The following FMR1 variants were observed in gnomAD, a reference collection of about 807,000 sequenced individuals.
FMR1 encodes the protein fragile X messenger ribonucleoprotein 1.
Under a neutral mutation model 50.6 loss-of-function variants are expected in FMR1, and 13 were observed. The ratio of observed to expected loss-of-function variants is 0.26; its 90% confidence interval spans 0.17 to 0.41. The LOEUF (loss-of-function observed/expected upper bound fraction) is 0.41, where lower values mean the gene tolerates loss of function less well. FMR1 is among the 10% of genes least tolerant of loss of function. FMR1 has a pLI of 1.00. For synonymous variants in FMR1, 138 were observed against 164.1 expected, an observed-to-expected ratio of 0.84 and a Z score of 1.22; for missense variants, 316 against 491.3, an observed-to-expected ratio of 0.64 and a Z score of 3.37.
chrX:147,938,218 C>A, intron 12 of FMR1, 57 bp downstream of exon 12: 1 of 936,499 alleles, frequency 1.1e-6, no homozygotes, highest in African/African-American at 1.9e-5. Flanking sequence ...TGTTTATTCC[C>A]CTTGTTAACA....
At chrX:147,924,674 ATT>A (rs35111332) in intron 2 of FMR1, among the ~76,000 whole-genome samples, 1 of 95,871 alleles carries the variant, frequency 1.0e-5, no homozygotes. Flanking sequence ...ACTGCACCTA[ATT>A]TTTTTTTTTT....
intron 13 of FMR1, among the ~76,000 whole-genome samples, chrX:147,941,455 T>G (rs1322102920): frequency 6.2e-5 from 7 of 112,770 alleles, no homozygotes; most frequent in Non-Finnish European, 1.3e-4. Context: ...GTATTAAATG[T>G]TTTTAAAAAG....
intron 5 of FMR1, among the ~76,000 whole-genome samples, chrX:147,929,494 G>A (rs782132081): frequency 1.1e-4 from 12 of 108,265 alleles, no homozygotes; most frequent in Non-Finnish European, 2.3e-4. Flanking sequence ...CCCATTCTCC[G>A]TGATGTGCTT....
At chrX:147,933,912 T>G (rs782120558) in intron 9 of FMR1, among the ~76,000 whole-genome samples, 18 of 112,178 alleles carry the variant, frequency 1.6e-4, no homozygotes, top group Admixed American at 2.8e-4. Context: ...GAAAATTAGC[T>G]TGAAGATAAA....
intron 1 of FMR1, among the ~76,000 whole-genome samples, chrX:147,918,369 A>G (rs1557175681): frequency 9.0e-6 from 1 of 111,212 alleles, no homozygotes; most frequent in Admixed American, 9.6e-5. Flanking sequence ...CAAAGGTATT[A>G]TATACCTTCT....
intron 13 of FMR1, among the ~76,000 whole-genome samples, chrX:147,941,105 G>A (rs923226721): frequency 9.0e-6 from 1 of 111,688 alleles, no homozygotes; most frequent in Non-Finnish European, 1.9e-5. Context: ...TCTCTTTACT[G>A]TTATTCAAAA....
chrX:147,937,356 A>G, intron 10 of FMR1, 110 bp from the exon 11 acceptor site: 2 of 530,644 alleles, frequency 3.8e-6, no homozygotes, highest in South Asian at 5.7e-5. Flanking sequence ...AAAACTGTTT[A>G]TAATAACTTA....
At chrX:147,946,466 A>C (rs782242332) in intron 16 of FMR1, among the ~76,000 whole-genome samples, 2 of 112,453 alleles carry the variant, frequency 1.8e-5, no homozygotes, top group African/African-American at 6.5e-5. Context: ...GGCTGTCACC[A>C]GTGCTAAACC....
chrX:147,922,398 T>C (rs1346793082), intron 2 of FMR1, among the ~76,000 whole-genome samples: 1 of 112,034 alleles, frequency 8.9e-6, no homozygotes, highest in African/African-American at 3.2e-5. Context: ...CTAGTATATT[T>C]TATGGAAACA....
chrX:147,921,846 A>C, intron 1 of FMR1, 87 bp from the exon 2 acceptor site: 1 of 584,351 alleles, frequency 1.7e-6, no homozygotes. Flanking sequence ...ATAAACACAT[A>C]AAACGTTTGG....
chrX:147,916,432 C>T (rs1185537797), intron 1 of FMR1, among the ~76,000 whole-genome samples: 1 of 110,314 alleles, frequency 9.1e-6, no homozygotes, highest in Non-Finnish European at 1.9e-5. Context: ...TACAACGGGG[C>T]GGGGGGAGTG....
chrX:147,948,939 A>G lies in FMR1; in HGVS notation c.*95A>G, dbSNP rs949966796. 4 of 882,804 alleles carry G rather than the reference A, an allele frequency of 4.5e-6. No individual in the cohort carries two copies. The highest frequency in any genetic ancestry group is 6.6e-6 in the Non-Finnish European group (4 of 602,657). The allele number at this position is 882,804 out of a possible 1,213,427, so 72.8% of individuals were successfully genotyped here. On this transcript the variant is annotated 3_prime_UTR_variant, in exon 17 of 17. Transcript: ENST00000370475. ...TTAGGCCAAAGACAAATAGTAGGCA[A>G]GATGGCACAGGGCATGAAATGAACA...
chrX:147,912,081 AGGCGGCGGCGGCGGCGGCGGCGGC>A lies in FMR1; in HGVS notation c.-92_-69del. The A allele has an allele frequency of 7.0e-6, 2 of 283,914 alleles. No homozygotes were observed. The highest frequency in any genetic ancestry group is 4.3e-5 in the African/African-American group (1 of 23,429). 23.4% of individuals were successfully genotyped at this position (283,914 alleles called of 1,213,427 possible). ...GCGGCGGCGGCGGCGGCGGCGGCGGAGGCGGCGGCGGCGGCGGCGGCGGCGGCGGCTGGGCCTCGAGCGCCCGCA... is the reference window on the plus strand; with the variant it reads ...GCGGCGGCGGCGGCGGCGGCGGCGGAGGCGGCTGGGCCTCGAGCGCCCGCA... On this transcript the variant is annotated 5_prime_UTR_variant, in exon 1 of 17. Transcript: ENST00000370475.
chrX:147,926,991 A>G (rs1262666744), intron 3 of FMR1, among the ~76,000 whole-genome samples: 4 of 112,053 alleles, frequency 3.6e-5, no homozygotes, highest in Non-Finnish European at 7.5e-5. Flanking sequence ...AGATCTCTCA[A>G]TGTCCAGGCC....
intron 12 of FMR1, among the ~76,000 whole-genome samples, chrX:147,939,586 A>G (rs1298927822): frequency 1.8e-5 from 2 of 109,452 alleles, no homozygotes; most frequent in Non-Finnish European, 3.8e-5. Context: ...TTGGTATTTC[A>G]TTTTGATTTT....
chrX:147,926,612 T>G (rs782483619), intron 3 of FMR1, among the ~76,000 whole-genome samples: 5 of 110,677 alleles, frequency 4.5e-5, no homozygotes, highest in Non-Finnish European at 9.4e-5. Flanking sequence ...CTCAGCCTCC[T>G]GAGTAGCTGG....
In FMR1 at chrX:147,932,420, T is replaced by C; in HGVS notation, c.631-5T>C. On this transcript the variant is annotated splice_polypyrimidine_tract_variant and splice_region_variant and intron_variant, in intron 7 of 16. Coordinates refer to ENST00000370475, the MANE Select transcript of FMR1 (RefSeq NM_002024.6). The stretch of plus-strand genomic sequence containing the variant: ...TGTATTCATCAGACGTCCATTTCTC[T>C]TCAGAGTTCAAGGCAGCTTGCCTCG... The C allele has an allele frequency of 5.0e-6, 6 of 1,208,778 alleles. No homozygotes were observed. The highest frequency in any genetic ancestry group is 5.6e-6 in the Non-Finnish European group (5 of 892,824).
chrX:147,918,726 C>T (rs1164790577), intron 1 of FMR1, among the ~76,000 whole-genome samples: 1 of 109,886 alleles, frequency 9.1e-6, no homozygotes, highest in Non-Finnish European at 1.9e-5. Context: ...AGTAATAAGG[C>T]TGATATTATA....
chrX:147,945,175 C>A, intron 15 of FMR1, 124 bp downstream of exon 15: 1 of 1,019,404 alleles, frequency 9.8e-7, no homozygotes, highest in Non-Finnish European at 1.3e-6. Context: ...GTGCTGATAC[C>A]ATAGGAAAGG....
Sources: gnomAD v4.1 joint callset for allele counts (sites outside exome capture counted in the v4.1 genomes callset) on GRCh38, gnomAD v4.1.1 for gene constraint, MANE v1.5 for transcripts, NCBI Gene and HGNC (gene_info 2026-07-23, HGNC 2026-07-21) for gene names.